KLHDC10: variants seen among roughly 807,000 people sequenced by gnomAD.
The protein encoded by KLHDC10 is kelch domain containing 10.
A neutral mutation model predicts 56.1 loss-of-function variants in KLHDC10; 24 were observed. That is an observed-to-expected ratio of 0.43 (90% confidence interval 0.31 to 0.60). The LOEUF (loss-of-function observed/expected upper bound fraction) is 0.60. Ranked by LOEUF, KLHDC10 falls within the 20% of genes least tolerant of loss-of-function variation. KLHDC10 has a pLI of 0.11. For missense variants in KLHDC10, 349 were observed against 567.0 expected, an observed-to-expected ratio of 0.62 and a Z score of 3.91; for synonymous variants, 188 against 207.1, an observed-to-expected ratio of 0.91 and a Z score of 0.79.
intron 1 of KLHDC10, among the ~76,000 whole-genome samples, chr7:130,074,611 TTC>T (rs1554461635): frequency 6.6e-6 from 1 of 150,882 alleles, no homozygotes; most frequent in Non-Finnish European, 1.5e-5. Flanking sequence ...AAAATCAAGG[TTC>T]TCTCTCTTTT....
chr7:130,070,725 GGCGGGGGCAGTGGGGGCA>G lies in KLHDC10; in HGVS notation c.90_107del (p.Ser31_Gly36del). ...CGCTGGTGGCGGAGGTAGCGGGGCC[GGCGGGGGCAGTGGGGGCA>G]GCGGGGGTCGGGGGACTGGCCAGCT... On this transcript the variant is annotated inframe_deletion, in exon 1 of 10. Coordinates refer to ENST00000335420, the MANE Select transcript of KLHDC10 (RefSeq NM_014997.4). The G allele has an allele frequency of 7.8e-7, 1 of 1,283,664 alleles. No individual in the cohort carries two copies. The highest frequency in any genetic ancestry group is 9.9e-7 in the Non-Finnish European group (1 of 1,012,616). 79.5% of individuals were successfully genotyped at this position (1,283,664 alleles called of 1,614,324 possible).
chr7:130,083,270 C>T (rs1346095946), intron 1 of KLHDC10, among the ~76,000 whole-genome samples: 1 of 152,138 alleles, frequency 6.6e-6, no homozygotes, highest in Non-Finnish European at 1.5e-5. Flanking sequence ...ACATTAGATT[C>T]CTTCCTTTTA....
chr7:130,134,998 C>T lies in KLHDC10; in HGVS notation c.*4252C>T, dbSNP rs1796450021. 1 of 151,284 alleles carries T rather than the reference C, an allele frequency of 6.6e-6. No homozygotes were observed. The highest frequency in any genetic ancestry group is 2.4e-5 in the African/African-American group (1 of 41,068). 9.4% of individuals were successfully genotyped at this position (151,284 alleles called of 1,614,324 possible). ...GGTCATTAGATTCAGCCAAAAGCGA[C>T]CTCTTCTCTAGTCCGGTGTTACGAA... On this transcript the variant is annotated 3_prime_UTR_variant, in exon 10 of 10. Coordinates refer to ENST00000335420, the MANE Select transcript of KLHDC10 (RefSeq NM_014997.4).
chr7:130,124,143 C>A (rs1281170042), intron 5 of KLHDC10, among the ~76,000 whole-genome samples: 1 of 152,046 alleles, frequency 6.6e-6, no homozygotes, highest in Non-Finnish European at 1.5e-5. Context: ...TGGATGATAT[C>A]CTAATAGCCA....
intron 1 of KLHDC10, among the ~76,000 whole-genome samples, chr7:130,081,271 T>G (rs1181437774): frequency 6.6e-6 from 1 of 152,008 alleles, no homozygotes; most frequent in African/African-American, 2.4e-5. Flanking sequence ...AGTGCTGGGA[T>G]TACAGGCGTG....
intron 4 of KLHDC10, 134 bp downstream of exon 4, chr7:130,121,037 G>C (rs1563105827): frequency 4.9e-6 from 4 of 812,200 alleles, no homozygotes; most frequent in Non-Finnish European, 7.5e-6. Flanking sequence ...TGATTTTTTA[G>C]TTCTGATATG....
intron 5 of KLHDC10, among the ~76,000 whole-genome samples, chr7:130,123,142 T>C (rs932612847): frequency 6.6e-6 from 1 of 152,186 alleles, no homozygotes; most frequent in Admixed American, 6.5e-5. Flanking sequence ...GATCTATATC[T>C]TTCACTTTTC....
In KLHDC10 at chr7:130,125,974, A is replaced by G. The variant is rs943962396; in HGVS notation, c.931+43A>G. ...ATTAATTTATCTTTAACAAACATGT[A>G]TTATACTTTTACTCATTTTGGAAGG... On this transcript the variant is annotated intron_variant, in intron 7 of 9. Coordinates refer to ENST00000335420, the MANE Select transcript of KLHDC10 (RefSeq NM_014997.4). 6 of 1,346,902 alleles carry G rather than the reference A, an allele frequency of 4.5e-6. No homozygotes were observed. The African/African-American group carries it at 7.5e-5, about 17-fold the overall frequency. 83.4% of individuals were successfully genotyped at this position (1,346,902 alleles called of 1,614,324 possible).
At chr7:130,076,272 A>T (rs1217170031) in intron 1 of KLHDC10, among the ~76,000 whole-genome samples, 1 of 152,064 alleles carries the variant, frequency 6.6e-6, no homozygotes, top group East Asian at 1.9e-4. Context: ...CCAGGTTCCT[A>T]ACAGGCCATG....
intron 1 of KLHDC10, among the ~76,000 whole-genome samples, chr7:130,086,289 A>G (rs17164374): frequency 0.12 from 18,461 of 152,176 alleles, 1,329 homozygotes; most frequent in East Asian, 0.32. Flanking sequence ...AGCTTGTAGA[A>G]CACATAAAGG....
intron 2 of KLHDC10, among the ~76,000 whole-genome samples, chr7:130,108,926 T>A (rs1796060472): frequency 1.3e-5 from 2 of 152,098 alleles, no homozygotes; most frequent in Non-Finnish European, 2.9e-5. Flanking sequence ...TCTCTCTCTC[T>A]TTTTTTGAGA....
At chr7:130,088,422 G>A (rs1218190007) in intron 1 of KLHDC10, among the ~76,000 whole-genome samples, 3 of 147,422 alleles carry the variant, frequency 2.0e-5, no homozygotes, top group Non-Finnish European at 4.5e-5. Flanking sequence ...TTACAGGCTC[G>A]CACCACCACG....
intron 1 of KLHDC10, among the ~76,000 whole-genome samples, chr7:130,091,914 TA>T (rs1477440091): frequency 6.6e-6 from 1 of 152,194 alleles, no homozygotes; most frequent in African/African-American, 2.4e-5. Context: ...CCCTTGCATA[TA>T]AAAAAATTTC....
chr7:130,097,443 TTTG>T (rs1366362859), intron 2 of KLHDC10, among the ~76,000 whole-genome samples: 1 of 152,082 alleles, frequency 6.6e-6, no homozygotes, highest in Non-Finnish European at 1.5e-5. Flanking sequence ...AAGAGAATTA[TTTG>T]TTAACAAAGG....
chr7:130,124,610 T>A (rs1466528730), intron 6 of KLHDC10, 75 bp downstream of exon 6: 1 of 758,954 alleles, frequency 1.3e-6, no homozygotes, highest in African/African-American at 1.7e-5. Flanking sequence ...AGCAAGATAA[T>A]TCTGTTACTT....
chr7:130,109,406 C>T (rs750443697), intron 2 of KLHDC10, among the ~76,000 whole-genome samples: 1 of 151,562 alleles, frequency 6.6e-6, no homozygotes, highest in Non-Finnish European at 1.5e-5. Flanking sequence ...TTGGCAGGGT[C>T]GGTACAGATA....
At position 130,096,876 on chromosome 7, in the gene KLHDC10, A is replaced by G. The variant is rs139655899; in HGVS notation, c.167-45A>G. On this transcript the variant is annotated intron_variant, in intron 1 of 9. Coordinates refer to ENST00000335420, the MANE Select transcript of KLHDC10 (RefSeq NM_014997.4). ...CTACAGTAACTATGTATTATTTGCA[A>G]TGTGTTGTATGTGTCTGACTTATTG... 394 of 1,316,394 alleles carry G rather than the reference A, an allele frequency of 3.0e-4. 2 individuals are homozygous for G. Among genetic ancestry groups the G allele is most frequent in the Non-Finnish European group, 4.0e-4 (366 of 922,520 alleles). The allele number at this position is 1,316,394 out of a possible 1,614,324, so 81.5% of individuals were successfully genotyped here. A position where few individuals can be genotyped will look rare whatever the true frequency, so the allele number is the denominator to read the frequency against.
At chr7:130,129,134 C>A (rs1387981381) in intron 8 of KLHDC10, among the ~76,000 whole-genome samples, 1 of 151,686 alleles carries the variant, frequency 6.6e-6, no homozygotes, top group Non-Finnish European at 1.5e-5. Flanking sequence ...CTTCCCTAGA[C>A]CCCCTTGCTC....
chr7:130,129,867 T>G (rs757206742), intron 9 of KLHDC10, among the ~76,000 whole-genome samples: 17 of 152,170 alleles, frequency 1.1e-4, no homozygotes, highest in South Asian at 2.1e-4. Context: ...TTTACCCCCT[T>G]GATACCATAT....
Sources: allele counts gnomAD v4.1 joint callset (sites outside exome capture counted in the v4.1 genomes callset), GRCh38; gene constraint gnomAD v4.1.1; transcripts MANE v1.5; gene names NCBI Gene and HGNC (gene_info 2026-07-23, HGNC 2026-07-21).